Variants in AKAP6 observed in about 807,000 individuals in gnomAD.
AKAP6 encodes the protein A-kinase anchoring protein 6.
A neutral mutation model predicts 188.5 loss-of-function variants in AKAP6; 58 were observed. The observed-to-expected ratio is 0.31, with a 90% CI of 0.25 to 0.38. The LOEUF is 0.38. AKAP6 is among the 10% of genes least tolerant of loss of function. The pLI is 1.00. For missense variants in AKAP6, 2,710 were observed against 2,740.0 expected (o/e 0.99, Z 0.24); for synonymous variants, 989 against 998.6 (o/e 0.99, Z 0.18).
intron 11 of AKAP6, among the ~76,000 whole-genome samples, chr14:32,754,838 C>T (rs973500521): frequency 2.0e-5 from 3 of 152,128 alleles, no homozygotes; most frequent in Non-Finnish European, 4.4e-5. Context: ...TCTTTCCTGC[C>T]CCGCAAAGTT....
At chr14:32,388,978 G>C (rs1888621037) in intron 1 of AKAP6, among the ~76,000 whole-genome samples, 1 of 152,058 alleles carries the variant, frequency 6.6e-6, no homozygotes, top group African/African-American at 2.4e-5. Flanking sequence ...TTACTGTGTT[G>C]CTGTCTATCT....
intron 7 of AKAP6, among the ~76,000 whole-genome samples, chr14:32,605,014 C>T (rs1304908600): frequency 3.3e-5 from 5 of 152,054 alleles, no homozygotes; most frequent in African/African-American, 1.2e-4. Flanking sequence ...GTGTTGTTTC[C>T]CTCCCTGGAT....
rs773956269 is a variant in AKAP6, at chr14:32,822,211, A to G, written c.4398A>G (p.Thr1466=). Residue 1466 remains threonine (T), a synonymous_variant, in exon 13 of 14, where the codon ACA becomes ACG. Transcript: ENST00000280979. ...TACAAGGAAAACATGATGTGTTTAC[A>G]TTTTATGATTACTCATACCTCCAAG... ...EELQGKHDVF[T]FYDYSYLQGS... is the part of the protein sequence containing the mutation. The G allele has an allele frequency of 6.2e-7, 1 of 1,613,900 alleles. No individual in the cohort carries two copies. The highest frequency in any genetic ancestry group is 8.5e-7 in the Non-Finnish European group (1 of 1,179,900).
Position 32,823,228 on chromosome 14 carries a change from G to T in AKAP6, c.5415G>T (p.Trp1805Cys). The T allele has an allele frequency of 6.2e-7, 1 of 1,613,676 alleles. No individual in the cohort carries two copies. Among genetic ancestry groups the T allele is most frequent in the Non-Finnish European group, 8.5e-7 (1 of 1,179,868 alleles). Residue 1805 changes from tryptophan (W) to cysteine (C), a missense_variant, in exon 13 of 14, where the codon TGG becomes TGT. Physicochemically the swap from Trp to Cys is radical, Grantham distance 215. Transcript: ENST00000280979. Reference sequence around the variant, plus strand: ...ACATAAAGAATGAATTACAGACCTGGATTAGGCCAAAATTGTCTTTGACAA... The same window carrying T: ...ACATAAAGAATGAATTACAGACCTGTATTAGGCCAAAATTGTCTTTGACAA... The part of the protein sequence containing the change: ...LDYIKNELQT[W>C]IRPKLSLTRD...
At chr14:32,450,011 G>T (rs962528877) in intron 2 of AKAP6, among the ~76,000 whole-genome samples, 21 of 152,164 alleles carry the variant, frequency 1.4e-4, no homozygotes, top group Middle Eastern at 3.2e-3. Context: ...CCTGCTGGCT[G>T]GTTCCAGGAG....
intron 2 of AKAP6, among the ~76,000 whole-genome samples, chr14:32,452,011 A>ATTTTTTTTTTTTTTTTTTTTTTTTTT (rs61035125): frequency 1.5e-5 from 1 of 66,194 alleles, no homozygotes; most frequent in Non-Finnish European, 2.5e-5. Flanking sequence ...TTTTCTTTAC[A>ATTTTTTTTTTTTTTTTTTTTTTTTTT]TTTTTTTTTT....
At chr14:32,810,968 G>A (rs564023303) in intron 12 of AKAP6, among the ~76,000 whole-genome samples, 36 of 152,144 alleles carry the variant, frequency 2.4e-4, no homozygotes, top group African/African-American at 7.9e-4. Flanking sequence ...GGCTGGGTGC[G>A]GTGGCTCACA....
Position 32,728,171 on chromosome 14 carries a change from G to A in AKAP6, c.3001-4283G>A, listed in dbSNP as rs75908775. Among the ~76,000 whole-genome samples the A allele has an allele frequency of 4.3e-5, 6 of 140,264 alleles. 1 individual carries two copies. The South Asian group carries it at 1.4e-3, about 33-fold the overall frequency. 92.0% of individuals were successfully genotyped at this position (140,264 alleles called of 152,430 possible). A position where few individuals can be genotyped will look rare whatever the true frequency, so the allele number is the denominator to read the frequency against. On this transcript the variant is annotated intron_variant, in intron 9 of 13. Transcript: ENST00000280979. ...AGGGCAAACACTAGCCAGAAAACAC[G>A]TGAGAGTTGTAAATAGACACATCCC...
intron 1 of AKAP6, among the ~76,000 whole-genome samples, chr14:32,346,905 A>G (rs971575464): frequency 6.6e-6 from 1 of 152,222 alleles, no homozygotes; most frequent in African/African-American, 2.4e-5. Flanking sequence ...GGGTGGTGAT[A>G]GTTACTTCTT....
At chr14:32,358,332 G>C (rs1456735962) in intron 1 of AKAP6, among the ~76,000 whole-genome samples, 1 of 152,160 alleles carries the variant, frequency 6.6e-6, no homozygotes, top group African/African-American at 2.4e-5. Flanking sequence ...TCAGAACTTG[G>C]AATCCTGTTC....
chr14:32,652,710 T>C (rs1888282097), intron 7 of AKAP6, among the ~76,000 whole-genome samples: 1 of 152,194 alleles, frequency 6.6e-6, no homozygotes, highest in East Asian at 1.9e-4. Context: ...ACCTTTCTCC[T>C]GAGTTGCTAT....
chr14:32,526,892 TC>T (rs1882159349), intron 2 of AKAP6, among the ~76,000 whole-genome samples: 1 of 152,222 alleles, frequency 6.6e-6, no homozygotes, highest in Non-Finnish European at 1.5e-5. Context: ...TGCATAGCTT[TC>T]CACATTGTCA....
At chr14:32,599,034 T>G (rs1885815777) in intron 5 of AKAP6, among the ~76,000 whole-genome samples, 1 of 152,208 alleles carries the variant, frequency 6.6e-6, no homozygotes, top group Non-Finnish European at 1.5e-5. Flanking sequence ...CTGCCAATTT[T>G]TTATGGTTTC....
At chr14:32,555,149 T>C (rs1883634891) in intron 4 of AKAP6, among the ~76,000 whole-genome samples, 1 of 152,194 alleles carries the variant, frequency 6.6e-6, no homozygotes. Flanking sequence ...GCAGCAAATA[T>C]TTAGCTGAGT....
chr14:32,368,843 T>A (rs1887916825), intron 1 of AKAP6, among the ~76,000 whole-genome samples: 1 of 151,088 alleles, frequency 6.6e-6, no homozygotes, highest in South Asian at 2.1e-4. Context: ...ATCCCTGCCC[T>A]CTTGAAACTT....
intron 5 of AKAP6, among the ~76,000 whole-genome samples, chr14:32,579,185 C>T (rs920142282): frequency 3.9e-5 from 6 of 152,098 alleles, no homozygotes; most frequent in Admixed American, 1.3e-4. Context: ...CCGTAACGAA[C>T]GGCAATATCT....
intron 2 of AKAP6, among the ~76,000 whole-genome samples, chr14:32,436,446 G>A (rs1890381015): frequency 1.3e-5 from 2 of 152,086 alleles, no homozygotes; most frequent in Non-Finnish European, 2.9e-5. Context: ...CCACATACAT[G>A]TCTATCAACA....
intron 12 of AKAP6, among the ~76,000 whole-genome samples, chr14:32,784,296 C>G (rs904712879): frequency 6.6e-6 from 1 of 152,132 alleles, no homozygotes; most frequent in African/African-American, 2.4e-5. Flanking sequence ...CACAGAAACT[C>G]ATGACATTTA....
chr14:32,573,684 A>G (rs546013377), intron 4 of AKAP6, among the ~76,000 whole-genome samples: 1 of 152,314 alleles, frequency 6.6e-6, no homozygotes. Flanking sequence ...TAAATGACCA[A>G]TATTTGTTGC....
Sources: gnomAD v4.1 joint callset for allele counts (sites outside exome capture counted in the v4.1 genomes callset) on GRCh38, gnomAD v4.1.1 for gene constraint, MANE v1.5 for transcripts, NCBI Gene and HGNC (gene_info 2026-07-23, HGNC 2026-07-21) for gene names.